The following AGBL4 variants were observed in gnomAD, a reference collection of about 807,000 sequenced individuals.
AGBL4 encodes cytosolic carboxypeptidase 6.
In AGBL4, 58 loss-of-function variants were observed where a neutral mutation model predicts 66.4. That is an observed-to-expected ratio of 0.87 (90% CI 0.71 to 1.09). The LOEUF (loss-of-function observed/expected upper bound fraction) is 1.09. Among genes scored for constraint, AGBL4 ranks in the 50% least tolerant of loss-of-function variants. The pLI is 0.00. For synonymous variants in AGBL4, 234 were observed against 222.9 expected (o/e 1.05, Z -0.44); for missense variants, 579 against 631.0 (o/e 0.92, Z 0.88).
chr1:48,836,426 A>G (rs1163595473), intron 6 of AGBL4, among the ~76,000 whole-genome samples: 1 of 152,082 alleles, frequency 6.6e-6, no homozygotes, highest in Non-Finnish European at 1.5e-5. Flanking sequence ...TTTATACTCC[A>G]AATGCCTAAG....
chr1:49,465,947 TAA>T (rs1557966580), intron 3 of AGBL4, among the ~76,000 whole-genome samples: 1 of 151,820 alleles, frequency 6.6e-6, no homozygotes, highest in African/African-American at 2.4e-5. Context: ...TAGATGAAAG[TAA>T]AAGAGTCTTG....
chr1:49,891,846 T>C (rs1648685550), intron 1 of AGBL4, among the ~76,000 whole-genome samples: 1 of 152,214 alleles, frequency 6.6e-6, no homozygotes, highest in Admixed American at 6.5e-5. Flanking sequence ...TTGCTTTCAT[T>C]ACAAAGAATT....
intron 3 of AGBL4, among the ~76,000 whole-genome samples, chr1:49,565,371 G>C (rs576872760): frequency 1.3e-5 from 2 of 152,072 alleles, no homozygotes; most frequent in African/African-American, 2.4e-5. Flanking sequence ...TATTTTGCTC[G>C]TTAGTTGATG....
chr1:49,016,085 C>G (rs781754764), intron 5 of AGBL4, among the ~76,000 whole-genome samples: 1 of 152,082 alleles, frequency 6.6e-6, no homozygotes, highest in Non-Finnish European at 1.5e-5. Context: ...AGGTAAGGGC[C>G]CAGCTTGTGG....
chr1:49,729,587 T>C (rs1320380642), intron 2 of AGBL4, among the ~76,000 whole-genome samples: 1 of 152,100 alleles, frequency 6.6e-6, no homozygotes. Flanking sequence ...CTTAAAAATG[T>C]AAGTGAACTC....
chr1:49,267,153 G>A (rs957408488), intron 3 of AGBL4, among the ~76,000 whole-genome samples: 6 of 152,210 alleles, frequency 3.9e-5, no homozygotes, highest in Non-Finnish European at 8.8e-5. Context: ...CTGCCTGAAT[G>A]GGAAGAGTAC....
intron 2 of AGBL4, among the ~76,000 whole-genome samples, chr1:49,701,291 CA>C (rs551650692): frequency 0.013 from 1,721 of 128,702 alleles, 11 homozygotes; most frequent in Non-Finnish European, 0.02. Context: ...GACTCTGTCT[CA>C]AAAAAAAAAA....
chr1:48,876,598 T>C (rs1649257936), intron 5 of AGBL4, among the ~76,000 whole-genome samples: 1 of 152,128 alleles, frequency 6.6e-6, no homozygotes, highest in East Asian at 1.9e-4. Flanking sequence ...CCCCACAGCA[T>C]CTAGGCAGTG....
intron 1 of AGBL4, among the ~76,000 whole-genome samples, chr1:49,977,881 A>G (rs1658705949): frequency 6.6e-6 from 1 of 152,164 alleles, no homozygotes; most frequent in African/African-American, 2.4e-5. Flanking sequence ...CCTGCTGCCT[A>G]GCCATTATCT....
chr1:49,910,310 C>T (rs1202859226), intron 1 of AGBL4, among the ~76,000 whole-genome samples: 1 of 152,098 alleles, frequency 6.6e-6, no homozygotes, highest in Non-Finnish European at 1.5e-5. Flanking sequence ...TCAAATCCTG[C>T]CAAGGTCAAG....
chr1:48,670,465 G>C (rs1246377621), intron 6 of AGBL4, among the ~76,000 whole-genome samples: 1 of 152,254 alleles, frequency 6.6e-6, no homozygotes, highest in African/African-American at 2.4e-5. Flanking sequence ...ATTCCTGCCA[G>C]AGAAGTGAAG....
intron 7 of AGBL4, among the ~76,000 whole-genome samples, chr1:48,654,060 C>T (rs892142803): frequency 6.6e-6 from 1 of 152,198 alleles, no homozygotes; most frequent in Non-Finnish European, 1.5e-5. Flanking sequence ...TGATTGCCTT[C>T]CCGGCTTCTC....
At chr1:49,470,524 G>A (rs1203038443) in intron 3 of AGBL4, among the ~76,000 whole-genome samples, 1 of 151,974 alleles carries the variant, frequency 6.6e-6, no homozygotes, top group African/African-American at 2.4e-5. Flanking sequence ...TGTGTTAGCA[G>A]GTGGAACTTG....
At chr1:48,771,924 T>C (rs1057478020) in intron 6 of AGBL4, among the ~76,000 whole-genome samples, 3 of 152,230 alleles carry the variant, frequency 2.0e-5, no homozygotes, top group Non-Finnish European at 4.4e-5. Context: ...GTTGACTTCT[T>C]CCAGATGAAC....
rs1360983375 is a variant in AGBL4, at chr1:48,631,403, C to A, written c.951+3090G>T. ...GTGTTTTTGCATCATTATTATTATA[C>A]TTTTTGAAAAGGAGTCTTGATCTGT... On this transcript the variant is annotated intron_variant, in intron 9 of 13. Coordinates refer to ENST00000371839, the MANE Select transcript of AGBL4 (RefSeq NM_032785.4). Among the ~76,000 whole-genome samples the A allele has an allele frequency of 2.0e-5, 3 of 152,116 alleles. No homozygotes were observed. The East Asian group carries it at 5.8e-4, about 29-fold the overall frequency.
chr1:49,657,962 C>A (rs1023302336), intron 3 of AGBL4, among the ~76,000 whole-genome samples: 9 of 152,138 alleles, frequency 5.9e-5, no homozygotes, highest in African/African-American at 1.9e-4. Context: ...GACTTCATGT[C>A]TAAAACACCA....
At chr1:49,891,914 C>G (rs912241637) in intron 1 of AGBL4, among the ~76,000 whole-genome samples, 2 of 152,168 alleles carry the variant, frequency 1.3e-5, no homozygotes, top group East Asian at 3.8e-4. Context: ...GTTTAAGCCC[C>G]TGTCTTCAGA....
At chr1:48,722,335 A>G (rs1465569239) in intron 6 of AGBL4, among the ~76,000 whole-genome samples, 1 of 152,212 alleles carries the variant, frequency 6.6e-6, no homozygotes. Context: ...GGGGAGGACT[A>G]AAGAGCTGTT....
intron 5 of AGBL4, among the ~76,000 whole-genome samples, chr1:49,006,302 T>C (rs941209569): frequency 6.6e-6 from 1 of 152,050 alleles, no homozygotes; most frequent in Non-Finnish European, 1.5e-5. Context: ...CCCACCCGAA[T>C]ACTGTGCTTT....
Sources: allele counts gnomAD v4.1 joint callset (sites outside exome capture counted in the v4.1 genomes callset), GRCh38; gene constraint gnomAD v4.1.1; transcripts MANE v1.5; gene names NCBI Gene and HGNC (gene_info 2026-07-23, HGNC 2026-07-21).